Variants in IP6K3 observed in about 807,000 individuals in gnomAD.
The protein encoded by IP6K3 is inositol hexakisphosphate kinase 3.
Under a neutral mutation model 28.8 loss-of-function variants are expected in IP6K3, and 20 were observed. The ratio of observed to expected loss-of-function variants is 0.70; its 90% CI spans 0.49 to 1.01. The LOEUF is 1.01. Among genes scored for constraint, IP6K3 ranks in the 50% least tolerant of loss-of-function variants. The pLI, the probability that IP6K3 is intolerant of heterozygous loss-of-function variation, is 0.00. For synonymous variants in IP6K3, 213 were observed against 221.3 expected, an observed-to-expected ratio of 0.96 and a Z score of 0.33; for missense variants, 480 against 537.1, an observed-to-expected ratio of 0.89 and a Z score of 1.05.
chr6:33,761,772 CTCTG>C, the IP6K3 span, among the ~76,000 whole-genome samples: 479 of 152,190 alleles, frequency 3.1e-3, 3 homozygotes, highest in African/African-American at 0.01. Flanking sequence ...GCCTGGGTGT[CTCTG>C]TCTGGCCGAG....
At position 33,722,875 on chromosome 6, in the gene IP6K3, G is replaced by A; in HGVS notation, c.1078C>T (p.Leu360Phe). The change falls in exon 6 of 6, where the codon CTC becomes TTC. Residue 360 changes from leucine to phenylalanine, a missense_variant. Coordinates refer to ENST00000293756, the MANE Select transcript of IP6K3 (RefSeq NM_054111.5). The part of the protein sequence containing the change: ...QAAHGSSPGG[L>F]TKVDIRMIDF... ...ATCATGCGGATGTCAACCTTGGTGAGACCACCGGGAGAGCTACCGTGGGCT... is the reference window on the plus strand; with the variant it reads ...ATCATGCGGATGTCAACCTTGGTGAAACCACCGGGAGAGCTACCGTGGGCT... 2 of 1,614,214 alleles carry A rather than the reference G, an allele frequency of 1.2e-6. No homozygotes were observed. The highest frequency in any genetic ancestry group is 2.2e-5 in the South Asian group (2 of 91,078).
intron 1 of IP6K3, among the ~76,000 whole-genome samples, chr6:33,745,495 G>A (rs1424614001): frequency 2.0e-5 from 3 of 152,084 alleles, no homozygotes; most frequent in African/African-American, 7.2e-5. Flanking sequence ...ACCCTGCCAT[G>A]TTCTTACCCT....
Position 33,744,837 on chromosome 6 carries a change from C to T in IP6K3, c.-180+1921G>A, listed in dbSNP as rs917899862. Among the ~76,000 whole-genome samples, 1 of 152,236 alleles carries T rather than the reference C, an allele frequency of 6.6e-6. No individual in the cohort carries two copies. Among genetic ancestry groups the T allele is most frequent in the Non-Finnish European group, 1.5e-5 (1 of 68,038 alleles). On this transcript the variant is annotated intron_variant, in intron 1 of 5. Coordinates refer to ENST00000293756, the MANE Select transcript of IP6K3 (RefSeq NM_054111.5). The surrounding 1 kb of genome is among the most constrained non-coding windows in gnomAD (Gnocchi z 4.4). ...CGTTCTATAACATCTCTTGCCCTCC[C>T]CTCCCACTGCTTAACCAGGGTCAGG...
the IP6K3 span, among the ~76,000 whole-genome samples, chr6:33,759,389 G>A: frequency 6.6e-6 from 1 of 152,098 alleles, no homozygotes; most frequent in Non-Finnish European, 1.5e-5. Flanking sequence ...CTACAGGCAC[G>A]CACCACTACA....
intron 2 of IP6K3, among the ~76,000 whole-genome samples, chr6:33,733,475 T>A (rs1360825357): frequency 1.3e-5 from 2 of 152,224 alleles, no homozygotes; most frequent in Non-Finnish European, 1.5e-5. Flanking sequence ...TCTCTGCCTC[T>A]CCCACTTAGC....
intron 1 of IP6K3, among the ~76,000 whole-genome samples, chr6:33,745,942 T>C (rs915249820): frequency 6.6e-6 from 1 of 152,136 alleles, no homozygotes; most frequent in Non-Finnish European, 1.5e-5. Context: ...AAGTTTTTCA[T>C]AATAAAAGGT....
At chr6:33,734,361 C>A (rs1582213858) in intron 2 of IP6K3, among the ~76,000 whole-genome samples, 1 of 152,294 alleles carries the variant, frequency 6.6e-6, no homozygotes, top group East Asian at 1.9e-4. Context: ...CCAGATTGCA[C>A]TTGAGAAACA....
chr6:33,751,168 T>A (rs948112065), upstream of IP6K3, among the ~76,000 whole-genome samples: 5 of 152,130 alleles, frequency 3.3e-5, no homozygotes, highest in Non-Finnish European at 7.4e-5. This position sits in a 1 kb window ranked among gnomAD's most constrained non-coding sequence, Gnocchi z 4.3. Context: ...GTGGCTTCCC[T>A]ATCATCACAT....
At chr6:33,725,847 A>C (rs12203688) in intron 4 of IP6K3, among the ~76,000 whole-genome samples, 20,575 of 152,136 alleles carry the variant, frequency 0.14, 1,860 homozygotes, top group Middle Eastern at 0.21. Context: ...TGAGTATGTG[A>C]GCTTTTTTTT....
At chr6:33,723,236 A>C (rs539750138) in intron 5 of IP6K3, 49 bp from the exon 6 acceptor site, 2 of 1,257,800 alleles carry the variant, frequency 1.6e-6, no homozygotes, top group African/African-American at 3.0e-5. Context: ...AACTTAAACA[A>C]ATTGTATCTG....
At chr6:33,734,059 C>G (rs967714341) in intron 2 of IP6K3, among the ~76,000 whole-genome samples, 72 of 151,962 alleles carry the variant, frequency 4.7e-4, no homozygotes, top group African/African-American at 1.7e-3. Flanking sequence ...AAAAATTGGC[C>G]GAGCATGGTG....
chr6:33,737,548 T>C (rs1457344876), intron 1 of IP6K3, among the ~76,000 whole-genome samples: 3 of 152,232 alleles, frequency 2.0e-5, no homozygotes, highest in African/African-American at 7.2e-5. Flanking sequence ...TGTTCAGGCC[T>C]CTGGCTCAGA....
At position 33,735,278 on chromosome 6, in the gene IP6K3, C is replaced by T. The variant is rs1400703908; in HGVS notation, c.199G>A (p.Gly67Ser). The T allele has an allele frequency of 6.2e-7, 1 of 1,612,466 alleles. No individual in the cohort carries two copies. Among genetic ancestry groups the T allele is most frequent in the Admixed American group, 1.7e-5 (1 of 59,880 alleles). ...AMKRFTPQYKGTVTVHLWKDS... is the reference protein window; with the variant it reads ...AMKRFTPQYKSTVTVHLWKDS... ...GTGGCCTGGCTGCCTAGACACTCAC[C>T]TTTGTACTGTGGGGTGAACCGCTTC... The change falls in exon 2 of 6, where the codon GGT (glycine) becomes AGT (serine). Residue 67 changes from glycine to serine, a missense_variant and splice_region_variant. Physicochemically the swap from Gly to Ser is moderately conservative, Grantham distance 56. Transcript: ENST00000293756.
intron 2 of IP6K3, among the ~76,000 whole-genome samples, chr6:33,730,797 G>A (rs148909495): frequency 6.6e-6 from 1 of 152,226 alleles, no homozygotes; most frequent in Admixed American, 6.5e-5. Context: ...CAGACGTGGG[G>A]ATGGAGGAAA....
In IP6K3 at chr6:33,744,039, A is replaced by G. The variant is rs1561911506; in HGVS notation, c.-180+2719T>C. 6.6e-6 allele frequency among the ~76,000 whole-genome samples: 1 copy of G among 152,140 alleles called. No homozygotes were observed. The highest frequency in any genetic ancestry group is 6.5e-5 in the Admixed American group (1 of 15,272). On this transcript the variant is annotated intron_variant, in intron 1 of 5. Coordinates refer to ENST00000293756, the MANE Select transcript of IP6K3 (RefSeq NM_054111.5). The surrounding 1 kb of genome is among the most constrained non-coding windows in gnomAD (Gnocchi z 4.4). The stretch of plus-strand genomic sequence containing the variant: ...AAGGTGGGAGAAACATGGGGGCAAG[A>G]TGACTCACGAAGTCAAGTGCCACTG...
intron 2 of IP6K3, among the ~76,000 whole-genome samples, chr6:33,728,603 CT>C (rs1307690716): frequency 6.6e-6 from 1 of 152,228 alleles, no homozygotes; most frequent in African/African-American, 2.4e-5. Flanking sequence ...ACATTTTGTC[CT>C]TGCGTTCCAG....
intron 5 of IP6K3, among the ~76,000 whole-genome samples, chr6:33,724,527 C>T (rs990834823): frequency 2.0e-5 from 3 of 152,122 alleles, no homozygotes; most frequent in African/African-American, 4.8e-5. Flanking sequence ...ATCAGAGCCC[C>T]AAAAAGGAGG....
At chr6:33,729,826 G>C (rs527276686) in intron 2 of IP6K3, among the ~76,000 whole-genome samples, 1 of 151,824 alleles carries the variant, frequency 6.6e-6, no homozygotes, top group South Asian at 2.1e-4. Context: ...CAGTTCTCTT[G>C]CCTCAGCCTT....
At chr6:33,727,427 TC>T (rs1279699910) in intron 3 of IP6K3, among the ~76,000 whole-genome samples, 1 of 152,188 alleles carries the variant, frequency 6.6e-6, no homozygotes, top group Admixed American at 6.5e-5. Flanking sequence ...GAGATAATGC[TC>T]CTGCTTCCTG....
Sources: gnomAD v4.1 joint callset for allele counts (sites outside exome capture counted in the v4.1 genomes callset) on GRCh38, gnomAD v4.1.1 for gene constraint, Gnocchi (gnomAD v3.1) non-coding constraint, MANE v1.5 for transcripts, NCBI Gene and HGNC (gene_info 2026-07-23, HGNC 2026-07-21) for gene names.